Variants in DHRSX observed in about 807,000 individuals in gnomAD.
The protein encoded by DHRSX is polyprenol dehydrogenase.
DHRSX carries 31 observed loss-of-function variants against 34.0 expected under a neutral mutation model. The observed-to-expected ratio is 0.91, with a 90% CI of 0.69 to 1.23. The LOEUF is 1.23. DHRSX is among the 50% of genes most tolerant of loss of function. The pLI, the probability that DHRSX is intolerant of heterozygous loss-of-function variation, is 0.00. For missense variants in DHRSX, 414 were observed against 428.1 expected, an observed-to-expected ratio of 0.97 and a Z score of 0.29; for synonymous variants, 201 against 183.8, an observed-to-expected ratio of 1.09 and a Z score of -0.76.
intron 3 of DHRSX, among the ~76,000 whole-genome samples, chrX:2,349,527 A>T (rs777526984): frequency 1.3e-3 from 190 of 151,548 alleles, no homozygotes; most frequent in African/African-American, 4.2e-3. Flanking sequence ...GTCCACTAAG[A>T]AGTACAAAAA....
intron 6 of DHRSX, among the ~76,000 whole-genome samples, chrX:2,237,262 A>G (rs2016038204): frequency 6.6e-6 from 1 of 152,180 alleles, no homozygotes; most frequent in Non-Finnish European, 1.5e-5. Context: ...CTCTCGGCAC[A>G]TCAATCCAAG....
intron 3 of DHRSX, among the ~76,000 whole-genome samples, chrX:2,300,388 T>C: frequency 6.6e-6 from 1 of 152,226 alleles, no homozygotes; most frequent in African/African-American, 2.4e-5. Context: ...GGTGTGATGG[T>C]TAATGCCGAG....
intron 1 of DHRSX, among the ~76,000 whole-genome samples, chrX:2,463,800 A>G (rs1417644858): frequency 3.0e-5 from 4 of 133,344 alleles, no homozygotes; most frequent in African/African-American, 6.2e-5. Flanking sequence ...GAGACACCCA[A>G]TGAAGAAAAA....
At chrX:2,449,071 G>C (rs1273024322) in intron 1 of DHRSX, among the ~76,000 whole-genome samples, 1 of 151,892 alleles carries the variant, frequency 6.6e-6, no homozygotes, top group African/African-American at 2.4e-5. Flanking sequence ...CGCCTGTAAT[G>C]CCAGCTACTC....
At chrX:2,335,505 C>T (rs1471019772) in intron 3 of DHRSX, among the ~76,000 whole-genome samples, 8 of 151,890 alleles carry the variant, frequency 5.3e-5, no homozygotes, top group Non-Finnish European at 8.8e-5. Context: ...GGCTGGAGTG[C>T]AGTGGCGCGA....
chrX:2,389,362 G>A (rs1247942569), intron 3 of DHRSX, among the ~76,000 whole-genome samples: 1 of 152,096 alleles, frequency 6.6e-6, no homozygotes, highest in East Asian at 1.9e-4. Flanking sequence ...CTCCTGCCCT[G>A]GGCTGAATCC....
At chrX:2,452,669 T>C (rs990461335) in intron 1 of DHRSX, among the ~76,000 whole-genome samples, 7 of 151,562 alleles carry the variant, frequency 4.6e-5, no homozygotes, top group African/African-American at 1.7e-4. Context: ...CGGAAGACAT[T>C]CCCTAATAAT....
intron 1 of DHRSX, chrX:2,487,741 T>C (rs2044984790): frequency 1.3e-5 from 2 of 151,938 alleles, no homozygotes; most frequent in African/African-American, 4.8e-5. Context: ...TTTTTTTCTG[T>C]TTGCTTTTTG....
At chrX:2,440,734 C>T (rs2044052369) in intron 1 of DHRSX, among the ~76,000 whole-genome samples, 1 of 152,040 alleles carries the variant, frequency 6.6e-6, no homozygotes, top group South Asian at 2.1e-4. Flanking sequence ...GACTGAAGGC[C>T]GCACTCTCAG....
intron 3 of DHRSX, among the ~76,000 whole-genome samples, chrX:2,351,222 A>T (rs372558499): frequency 6.6e-5 from 10 of 152,222 alleles, no homozygotes; most frequent in African/African-American, 2.2e-4. Flanking sequence ...CGTTCTGCAC[A>T]TGTATCCCAG....
chrX:2,237,343 A>G (rs144856657), intron 6 of DHRSX, among the ~76,000 whole-genome samples: 482 of 152,194 alleles, frequency 3.2e-3, no homozygotes, highest in African/African-American at 0.011. Flanking sequence ...AAGACAAGCA[A>G]TGATACGAGT....
chrX:2,345,677 T>G (rs898163711), intron 3 of DHRSX, among the ~76,000 whole-genome samples: 1 of 140,578 alleles, frequency 7.1e-6, no homozygotes, highest in African/African-American at 2.7e-5. Context: ...AAAAAAAATC[T>G]AAATCAGTAC....
At chrX:2,290,294 GA>G (rs200850829) in intron 4 of DHRSX, among the ~76,000 whole-genome samples, 4 of 150,664 alleles carry the variant, frequency 2.7e-5, no homozygotes, top group East Asian at 1.9e-4. Flanking sequence ...AAGACAAAAA[GA>G]AAAAAAAATT....
chrX:2,345,501 G>A (rs1351529767), intron 3 of DHRSX, among the ~76,000 whole-genome samples: 13 of 151,878 alleles, frequency 8.6e-5, no homozygotes, highest in African/African-American at 2.9e-4. Flanking sequence ...AAATAAATTA[G>A]CTGGGCGTGG....
chrX:2,295,804 T>C (rs999352090), intron 3 of DHRSX, among the ~76,000 whole-genome samples: 4 of 152,190 alleles, frequency 2.6e-5, no homozygotes, highest in Non-Finnish European at 4.4e-5. Context: ...CTTGCTTGTA[T>C]TGACGGCTTG....
intron 6 of DHRSX, among the ~76,000 whole-genome samples, chrX:2,226,063 C>T (rs2015652843): frequency 6.6e-6 from 1 of 152,134 alleles, no homozygotes; most frequent in Non-Finnish European, 1.5e-5. Flanking sequence ...GACTTCCAGC[C>T]TCCAGGACGG....
At chrX:2,319,851 G>A (rs1395067616) in intron 3 of DHRSX, among the ~76,000 whole-genome samples, 2 of 151,852 alleles carry the variant, frequency 1.3e-5, no homozygotes, top group East Asian at 3.9e-4. Flanking sequence ...TTTTCGAGGT[G>A]GAGTTTCCCT....
intron 1 of DHRSX, among the ~76,000 whole-genome samples, chrX:2,458,337 G>A (rs1458897709): frequency 6.6e-6 from 1 of 152,128 alleles, no homozygotes; most frequent in Non-Finnish European, 1.5e-5. Context: ...CGCTCGGTGT[G>A]TACCCAAAGG....
chrX:2,447,629 C>A (rs1379519969), intron 1 of DHRSX, among the ~76,000 whole-genome samples: 1 of 151,970 alleles, frequency 6.6e-6, no homozygotes, highest in Non-Finnish European at 1.5e-5. Flanking sequence ...ATAGAATCAA[C>A]CCATGTGTCA....
Sources: allele counts gnomAD v4.1 joint callset (sites outside exome capture counted in the v4.1 genomes callset), GRCh38; gene constraint gnomAD v4.1.1; transcripts MANE v1.5; gene names NCBI Gene and HGNC (gene_info 2026-07-23, HGNC 2026-07-21).